Variants in MARCHF1 observed in about 807,000 individuals in gnomAD.
MARCHF1 encodes the protein E3 ubiquitin-protein ligase MARCHF1.
Under a neutral mutation model 54.2 loss-of-function variants are expected in MARCHF1, and 40 were observed. The observed-to-expected ratio is 0.74, with a 90% CI of 0.57 to 0.96. The LOEUF (loss-of-function observed/expected upper bound fraction) is 0.96, where lower values mean the gene tolerates loss of function less well. MARCHF1 is among the 40% of genes least tolerant of loss of function. MARCHF1 has a pLI of 0.00. For synonymous variants in MARCHF1, 236 were observed against 236.3 expected, an observed-to-expected ratio of 1.00 and a Z score of 0.01; for missense variants, 586 against 656.5, an observed-to-expected ratio of 0.89 and a Z score of 1.17.
At chr4:164,282,746 T>C (rs768735024) in intron 1 of MARCHF1, among the ~76,000 whole-genome samples, 4 of 151,324 alleles carry the variant, frequency 2.6e-5, no homozygotes, top group Non-Finnish European at 4.4e-5. Flanking sequence ...AACATCTGTA[T>C]CCAGGGTTCA....
At chr4:163,736,844 T>C (rs925763375) in intron 4 of MARCHF1, among the ~76,000 whole-genome samples, 2 of 152,204 alleles carry the variant, frequency 1.3e-5, no homozygotes, top group African/African-American at 4.8e-5. Flanking sequence ...TGCTTTTTCA[T>C]TAAAAATAAA....
chr4:164,207,602 A>G (rs566355833), intron 1 of MARCHF1, among the ~76,000 whole-genome samples: 5 of 152,298 alleles, frequency 3.3e-5, no homozygotes, highest in African/African-American at 1.2e-4. Context: ...GAGGTGAGGC[A>G]GCTGCAGCCT....
rs117888193 is a variant in MARCHF1, at chr4:164,151,373, G to A, written c.-322-39711C>T. Among the ~76,000 whole-genome samples the A allele has an allele frequency of 1.5e-3, 230 of 152,264 alleles. 7 individuals carry two copies. The East Asian group carries it at 0.037, about 25-fold the overall frequency. Reference sequence around the variant, plus strand: ...CCACCAGTGCCATCAGTTGAGTGGTGACAGGGGTGATATCCTTTGTTCTCA... The same window carrying A: ...CCACCAGTGCCATCAGTTGAGTGGTAACAGGGGTGATATCCTTTGTTCTCA... On this transcript the variant is annotated intron_variant, in intron 1 of 9. Transcript: ENST00000514618.
chr4:164,196,693 AAAAG>A (rs1331257043), intron 1 of MARCHF1, among the ~76,000 whole-genome samples: 1 of 152,202 alleles, frequency 6.6e-6, no homozygotes, highest in African/African-American at 2.4e-5. Flanking sequence ...TAAAAAAATA[AAAAG>A]AGAGAGAGAA....
intron 1 of MARCHF1, among the ~76,000 whole-genome samples, chr4:164,281,653 G>C: frequency 6.6e-6 from 1 of 152,132 alleles, no homozygotes; most frequent in East Asian, 1.9e-4. Context: ...GGTGAGAAGT[G>C]GCAAGCAAGA....
intron 3 of MARCHF1, among the ~76,000 whole-genome samples, chr4:163,958,954 C>T (rs1233349843): frequency 6.6e-6 from 1 of 151,906 alleles, no homozygotes; most frequent in Non-Finnish European, 1.5e-5. Flanking sequence ...GCTGTCTAGA[C>T]CATCTGTTCT....
At chr4:163,694,373 A>G (rs116665864) in intron 5 of MARCHF1, among the ~76,000 whole-genome samples, 3 of 152,272 alleles carry the variant, frequency 2.0e-5, no homozygotes, top group Non-Finnish European at 2.9e-5. Context: ...GTTTACCTGC[A>G]TGTAAAGAGA....
At chr4:163,825,414 G>A (rs914147075) in intron 4 of MARCHF1, among the ~76,000 whole-genome samples, 6 of 152,016 alleles carry the variant, frequency 3.9e-5, no homozygotes, top group African/African-American at 1.4e-4. Flanking sequence ...ACACATGTAT[G>A]TGGCTTTATG....
At chr4:163,715,226 A>G (rs1001480407) in intron 4 of MARCHF1, among the ~76,000 whole-genome samples, 1 of 152,142 alleles carries the variant, frequency 6.6e-6, no homozygotes, top group East Asian at 1.9e-4. Context: ...TTGACCTAGG[A>G]TGATGAGCTG....
rs1738122033 is a variant in MARCHF1 at position 163,526,814 on chromosome 4, A to G, written c.*1934T>C. 6.6e-6 allele frequency: 1 copy of G among 151,866 alleles called. No individual in the cohort carries two copies. Among genetic ancestry groups the G allele is most frequent in the South Asian group, 2.1e-4 (1 of 4,836 alleles). 9.4% of individuals were successfully genotyped at this position (151,866 alleles called of 1,614,324 possible). A position where few individuals can be genotyped will look rare whatever the true frequency, so the allele number is the denominator to read the frequency against. ...GAATACCTTAACATTTTCCCCGCATATATACATGACTACACACACGCCATA... is the reference window on the plus strand; with the variant it reads ...GAATACCTTAACATTTTCCCCGCATGTATACATGACTACACACACGCCATA... On this transcript the variant is annotated 3_prime_UTR_variant, in exon 10 of 10. Transcript: ENST00000514618.
intron 2 of MARCHF1, among the ~76,000 whole-genome samples, chr4:164,012,688 G>C (rs1753449941): frequency 6.6e-6 from 1 of 152,094 alleles, no homozygotes; most frequent in Non-Finnish European, 1.5e-5. Context: ...ATAGCCCAGG[G>C]CCAAGAGAGA....
At chr4:164,030,392 T>C (rs922056458) in intron 2 of MARCHF1, among the ~76,000 whole-genome samples, 6 of 152,178 alleles carry the variant, frequency 3.9e-5, no homozygotes, top group Non-Finnish European at 7.4e-5. Flanking sequence ...TTTAACTTTA[T>C]CATAAATTCT....
intron 8 of MARCHF1, among the ~76,000 whole-genome samples, chr4:163,575,339 C>G (rs1410901648): frequency 1.3e-5 from 2 of 152,022 alleles, no homozygotes; most frequent in Admixed American, 1.3e-4. Flanking sequence ...TTAACTTTGT[C>G]TATGTGGTGA....
chr4:163,768,998 C>T (rs1321339977), intron 4 of MARCHF1, among the ~76,000 whole-genome samples: 4 of 152,050 alleles, frequency 2.6e-5, no homozygotes, highest in African/African-American at 7.2e-5. Context: ...ATGTATACCA[C>T]GTGAATAAGT....
intron 2 of MARCHF1, among the ~76,000 whole-genome samples, chr4:164,094,232 C>G (rs529302632): frequency 6.6e-6 from 1 of 152,212 alleles, no homozygotes; most frequent in Non-Finnish European, 1.5e-5. Context: ...CTCTAATCCT[C>G]TCTCAGTTAC....
At chr4:163,919,388 G>A (rs4401411) in intron 3 of MARCHF1, among the ~76,000 whole-genome samples, 146,223 of 151,964 alleles carry the variant, frequency 0.96, 70,602 homozygotes, top group East Asian at 1. Context: ...AGTAAAAATG[G>A]AACACTTGAA....
chr4:164,382,985 C>A (rs1422708926), intron 1 of MARCHF1, among the ~76,000 whole-genome samples: 1 of 152,244 alleles, frequency 6.6e-6, no homozygotes, highest in East Asian at 1.9e-4. Context: ...GGCCATGCCT[C>A]TGATTCCATT....
In MARCHF1 at chr4:164,340,405, T is replaced by TTATATACATACATA. The variant is rs58808830; in HGVS notation, c.-323+43464_-323+43465insTATGTATGTATATA. The stretch of plus-strand genomic sequence containing the variant: ...ACAGCACATGCCACCAGGCCTTGAT[T>TTATATACATACATA]TATATATAGATATATATATATATAT... On this transcript the variant is annotated intron_variant, in intron 1 of 9. Transcript: ENST00000514618. 1.1e-3 allele frequency among the ~76,000 whole-genome samples: 103 copies of TTATATACATACATA among 95,636 alleles called. 7 individuals carry two copies. The highest frequency in any genetic ancestry group is 1.9e-3 in the Admixed American group (15 of 7,996). 62.7% of individuals were successfully genotyped at this position (95,636 alleles called of 152,430 possible).
intron 8 of MARCHF1, among the ~76,000 whole-genome samples, chr4:163,550,363 T>C (rs1356572946): frequency 6.6e-6 from 1 of 151,494 alleles, no homozygotes; most frequent in African/African-American, 2.4e-5. Context: ...ATTAAATCCA[T>C]TTCGTCTTTT....
Sources: gnomAD v4.1 joint callset for allele counts (sites outside exome capture counted in the v4.1 genomes callset) on GRCh38, gnomAD v4.1.1 for gene constraint, MANE v1.5 for transcripts, NCBI Gene and HGNC (gene_info 2026-07-23, HGNC 2026-07-21) for gene names.